The following LPP variants were observed in gnomAD, a reference collection of about 807,000 sequenced individuals.
LPP encodes the protein LIM domain containing preferred translocation partner in lipoma, also known as lipoma-preferred partner.
In LPP, 38 loss-of-function variants were observed where a neutral mutation model predicts 60.4. That is an observed-to-expected ratio of 0.63 (90% CI 0.49 to 0.83). LPP has a LOEUF of 0.83. Among genes scored for constraint, LPP ranks in the 40% least tolerant of loss-of-function variants. The pLI is 0.00. For missense variants in LPP, 902 were observed against 783.6 expected, an observed-to-expected ratio of 1.15 and a Z score of -1.80; for synonymous variants, 328 against 290.8, an observed-to-expected ratio of 1.13 and a Z score of -1.30.
At chr3:188,191,206 GGC>G (rs1421424881) in intron 1 of LPP, among the ~76,000 whole-genome samples, 2 of 152,194 alleles carry the variant, frequency 1.3e-5, no homozygotes, top group African/African-American at 4.8e-5. Context: ...CTCTAGCCTG[GGC>G]GACAGAGCAA....
chr3:188,476,250 A>C (rs1803195458), intron 4 of LPP, among the ~76,000 whole-genome samples: 1 of 145,184 alleles, frequency 6.9e-6, no homozygotes, highest in Admixed American at 7.0e-5. Context: ...GTCTAGAGTA[A>C]TGTATGATAT....
At chr3:188,203,418 A>T (rs1731747353) in intron 1 of LPP, among the ~76,000 whole-genome samples, 1 of 52,668 alleles carries the variant, frequency 1.9e-5, no homozygotes, top group African/African-American at 5.3e-5. Flanking sequence ...AAATATATAT[A>T]TAATATAAAT....
chr3:188,681,439 C>T (rs1185896712), intron 7 of LPP, among the ~76,000 whole-genome samples: 1 of 152,178 alleles, frequency 6.6e-6, no homozygotes, highest in African/African-American at 2.4e-5. Context: ...AAGAGCCTTT[C>T]CCTCCAAAAT....
intron 9 of LPP, among the ~76,000 whole-genome samples, chr3:188,857,311 G>A (rs747894480): frequency 2.6e-5 from 4 of 152,188 alleles, no homozygotes; most frequent in Non-Finnish European, 5.9e-5. Flanking sequence ...CCTTTATACA[G>A]AATAACGGAG....
chr3:188,176,156 C>T lies in LPP; in HGVS notation c.-190+21904C>T, dbSNP rs562113396. Reference sequence around the variant, plus strand: ...AACTCGAAGGAACATTAGGGTCATCCTGGAGAGTTTACTGGGCCCCGTCTC... The same window carrying T: ...AACTCGAAGGAACATTAGGGTCATCTTGGAGAGTTTACTGGGCCCCGTCTC... On this transcript the variant is annotated intron_variant, in intron 1 of 11. Transcript: ENST00000617246. Among the ~76,000 whole-genome samples the T allele has an allele frequency of 5.3e-5, 8 of 152,150 alleles. No individual in the cohort carries two copies. In the East Asian group the frequency reaches 1.5e-3, roughly 29 times the overall value.
intron 8 of LPP, among the ~76,000 whole-genome samples, chr3:188,714,217 T>A (rs2149775455): frequency 6.6e-6 from 1 of 152,314 alleles, no homozygotes; most frequent in African/African-American, 2.4e-5. Flanking sequence ...ATAAATGCTG[T>A]TCCTGCTGAA....
At position 188,760,100 on chromosome 3, in the gene LPP, CT is replaced by C. The variant is rs201346745; in HGVS notation, c.1241-5del. Reference sequence around the variant, plus strand: ...CTCCTTGGTGTGTTCTTATCAAACCCTTTTTTTTCCAGGCCGCTGTGCTCGC... The same window carrying C: ...CTCCTTGGTGTGTTCTTATCAAACCCTTTTTTTCCAGGCCGCTGTGCTCGC... On this transcript the variant is annotated splice_polypyrimidine_tract_variant and intron_variant, in intron 8 of 11. Coordinates refer to ENST00000617246, the MANE Select transcript of LPP (RefSeq NM_001375462.1). The C allele has an allele frequency of 3.1e-6, 5 of 1,611,750 alleles. No individual in the cohort carries two copies. The South Asian group carries it at 4.4e-5, about 14-fold the overall frequency.
chr3:188,319,683 CAA>C (rs1268917870), intron 2 of LPP, among the ~76,000 whole-genome samples: 2 of 152,200 alleles, frequency 1.3e-5, no homozygotes, highest in African/African-American at 2.4e-5. Context: ...ACTAACAGTA[CAA>C]AGAGTTCCTG....
intron 3 of LPP, among the ~76,000 whole-genome samples, chr3:188,397,459 C>A (rs1359997275): frequency 3.3e-5 from 5 of 152,088 alleles, no homozygotes; most frequent in Admixed American, 2.6e-4. Flanking sequence ...GCCACTTAGT[C>A]AGTATTTGTT....
chr3:188,775,079 G>T (rs1737315552), intron 9 of LPP, among the ~76,000 whole-genome samples: 1 of 139,052 alleles, frequency 7.2e-6, no homozygotes, highest in South Asian at 2.2e-4. Flanking sequence ...TTTAGACAGA[G>T]TCTCACTCTG....
At chr3:188,668,590 A>G (rs1856295958) in intron 7 of LPP, among the ~76,000 whole-genome samples, 1 of 152,220 alleles carries the variant, frequency 6.6e-6, no homozygotes, top group Non-Finnish European at 1.5e-5. Flanking sequence ...GTATTTGAGC[A>G]GAAGAGGCAA....
intron 7 of LPP, among the ~76,000 whole-genome samples, chr3:188,692,874 G>A (rs994936495): frequency 2.0e-4 from 31 of 152,202 alleles, no homozygotes; most frequent in Non-Finnish European, 4.0e-4. Context: ...AGAAGCACTG[G>A]AGGCTGAGTT....
chr3:188,160,723 C>G (rs1718012989), intron 1 of LPP, among the ~76,000 whole-genome samples: 1 of 152,220 alleles, frequency 6.6e-6, no homozygotes, highest in African/African-American at 2.4e-5. Flanking sequence ...AAAGTGATTA[C>G]TGTATGCCAG....
intron 4 of LPP, among the ~76,000 whole-genome samples, chr3:188,458,917 G>T (rs2149412523): frequency 6.6e-6 from 1 of 151,946 alleles, no homozygotes; most frequent in Non-Finnish European, 1.5e-5. Context: ...CATGATGTAG[G>T]AATGTTATTG....
intron 4 of LPP, among the ~76,000 whole-genome samples, chr3:188,471,609 G>A (rs1048540093): frequency 6.6e-6 from 1 of 152,186 alleles, no homozygotes; most frequent in African/African-American, 2.4e-5. Flanking sequence ...AGGTTAGCAG[G>A]TCTGTGGGTT....
At chr3:188,620,956 A>C (rs1353700761) in intron 7 of LPP, among the ~76,000 whole-genome samples, 1 of 152,188 alleles carries the variant, frequency 6.6e-6, no homozygotes, top group Non-Finnish European at 1.5e-5. Flanking sequence ...GAAAGAGTCA[A>C]CCAACAAGTG....
intron 7 of LPP, among the ~76,000 whole-genome samples, chr3:188,670,516 G>A (rs1371410465): frequency 7.0e-6 from 1 of 142,860 alleles, no homozygotes; most frequent in Non-Finnish European, 1.5e-5. Context: ...TCTGTTATTT[G>A]TCTTCTCCAC....
At chr3:188,156,851 A>C (rs113663845) in intron 1 of LPP, among the ~76,000 whole-genome samples, 12,171 of 134,796 alleles carry the variant, frequency 0.09, 1,103 homozygotes, top group African/African-American at 0.25. Flanking sequence ...GCTGCGCCCC[A>C]CCCCCCCAAG....
At chr3:188,632,728 G>A (rs542529250) in intron 7 of LPP, among the ~76,000 whole-genome samples, 3 of 152,244 alleles carry the variant, frequency 2.0e-5, no homozygotes, top group East Asian at 3.9e-4. Context: ...AAGACTCTAC[G>A]TTTCAATACT....
Sources: gnomAD v4.1 joint callset for allele counts (sites outside exome capture counted in the v4.1 genomes callset) on GRCh38, gnomAD v4.1.1 for gene constraint, MANE v1.5 for transcripts, NCBI Gene and HGNC (gene_info 2026-07-23, HGNC 2026-07-21) for gene names.